Variants in WWOX observed in about 807,000 individuals in gnomAD.
WWOX encodes WW domain-containing oxidoreductase.
WWOX carries 69 observed loss-of-function variants against 46.2 expected under a neutral mutation model. That is an observed-to-expected ratio of 1.49 (90% CI 1.23 to 1.82). The LOEUF (loss-of-function observed/expected upper bound fraction) is 1.82. Among genes scored for constraint, WWOX ranks in the 40% most tolerant of loss-of-function variants. WWOX has a pLI of 0.00. For missense variants in WWOX, 919 were observed against 542.6 expected (o/e 1.69, Z -6.89); for synonymous variants, 359 against 202.6 (o/e 1.77, Z -6.56).
chr16:78,692,374 G>C (rs762288623), intron 8 of WWOX, among the ~76,000 whole-genome samples: 2 of 152,164 alleles, frequency 1.3e-5, no homozygotes, highest in South Asian at 2.1e-4. Flanking sequence ...CAAAGCTTCA[G>C]TCCTTACCAA....
intron 8 of WWOX, among the ~76,000 whole-genome samples, chr16:78,584,378 G>T (rs769978281): frequency 1.5e-4 from 23 of 152,180 alleles, no homozygotes; most frequent in Non-Finnish European, 2.9e-4. Context: ...ACCCCAAGAT[G>T]TGACTTTCCA....
chr16:78,912,598 C>A (rs185498627), intron 8 of WWOX, among the ~76,000 whole-genome samples: 27 of 152,154 alleles, frequency 1.8e-4, no homozygotes, highest in Admixed American at 1.6e-3. Context: ...TTTAGTGTGG[C>A]AGTCAGGGGA....
chr16:78,945,916 A>G (rs2045940230), intron 8 of WWOX, among the ~76,000 whole-genome samples: 1 of 151,976 alleles, frequency 6.6e-6, no homozygotes, highest in African/African-American at 2.4e-5. Context: ...TGAACATGTC[A>G]GTTCATCTCA....
At chr16:78,582,516 T>A (rs1045695826) in intron 8 of WWOX, among the ~76,000 whole-genome samples, 1 of 152,210 alleles carries the variant, frequency 6.6e-6, no homozygotes, top group Admixed American at 6.5e-5. Flanking sequence ...GTTTAAAAAT[T>A]CGGATGCATT....
intron 8 of WWOX, among the ~76,000 whole-genome samples, chr16:79,210,644 A>G (rs2051699258): frequency 6.6e-6 from 1 of 152,184 alleles, no homozygotes; most frequent in African/African-American, 2.4e-5. Context: ...GATGCCAGAT[A>G]AACTGTATTG....
At position 79,212,425 on chromosome 16, in the gene WWOX, T is replaced by G. The variant is rs560006958; in HGVS notation, c.*629T>G. ...GTCATAGACTCCTTTGCTAATGCTA[T>G]GCAAAAAATTCTTTAGAGATTATAA... On this transcript the variant is annotated 3_prime_UTR_variant, in exon 9 of 9. Coordinates refer to ENST00000566780, the MANE Select transcript of WWOX (RefSeq NM_016373.4). 1.1e-3 allele frequency: 371 copies of G among 351,990 alleles called. 1 individual carries two copies. The highest frequency in any genetic ancestry group is 3.3e-3 in the Middle Eastern group (4 of 1,204). 21.8% of individuals were successfully genotyped at this position (351,990 alleles called of 1,614,324 possible).
At chr16:78,712,432 G>T (rs866969715) in intron 8 of WWOX, among the ~76,000 whole-genome samples, 15 of 151,904 alleles carry the variant, frequency 9.9e-5, no homozygotes, top group Admixed American at 6.6e-5. Context: ...AACCCAGGAG[G>T]CGGAGGTTGC....
Position 78,350,093 on chromosome 16 carries a change from T to G in WWOX, c.517-36767T>G, listed in dbSNP as rs919547863. ...AACATTTGACCATGTCACTTAAGTT[T>G]CTTACCGTGATCTCCAACAGCTAGG... On this transcript the variant is annotated intron_variant, in intron 5 of 8. Transcript: ENST00000566780. Among the ~76,000 whole-genome samples the G allele has an allele frequency of 3.3e-5, 4 of 121,094 alleles. 1 individual carries two copies. Among genetic ancestry groups the G allele is most frequent in the East Asian group, 3.9e-4 (2 of 5,192 alleles). The allele number at this position is 121,094 out of a possible 152,430, so 79.4% of individuals were successfully genotyped here.
Position 78,896,706 on chromosome 16 carries a change from T to G in WWOX, c.1057-314902T>G, listed in dbSNP as rs146203720. The G allele has an allele frequency of 1.8e-4, 27 of 152,238 alleles. 1 individual carries two copies. The East Asian group carries it at 5.2e-3, about 29-fold the overall frequency. The allele number at this position is 152,238 out of a possible 1,614,324, so 9.4% of individuals were successfully genotyped here. ...GATTGTAGCACTCAAAAGTAAGGTC[T>G]GTTTTACTAATATAAAATTGGGCCT... On this transcript the variant is annotated intron_variant, in intron 8 of 8. Transcript: ENST00000566780.
intron 8 of WWOX, among the ~76,000 whole-genome samples, chr16:79,121,980 G>A (rs1185364855): frequency 6.6e-6 from 1 of 151,996 alleles, no homozygotes; most frequent in Non-Finnish European, 1.5e-5. Flanking sequence ...TTAATATAGC[G>A]TCAGGCTCCT....
At chr16:78,512,765 C>T (rs974222742) in intron 8 of WWOX, among the ~76,000 whole-genome samples, 2 of 152,176 alleles carry the variant, frequency 1.3e-5, no homozygotes, top group African/African-American at 2.4e-5. Context: ...GCTTGACTGG[C>T]TTGTAAATCA....
chr16:79,048,474 C>A (rs527556622), intron 8 of WWOX, among the ~76,000 whole-genome samples: 13 of 152,122 alleles, frequency 8.5e-5, no homozygotes, highest in African/African-American at 3.1e-4. Context: ...TATGAGCTCT[C>A]CTGTGCTTTG....
At chr16:78,299,495 C>G (rs1172990279) in intron 5 of WWOX, among the ~76,000 whole-genome samples, 2 of 151,750 alleles carry the variant, frequency 1.3e-5, no homozygotes, top group Non-Finnish European at 2.9e-5. Flanking sequence ...ATTTCAAATT[C>G]CATTCCATTT....
At chr16:78,310,762 C>G (rs956905824) in intron 5 of WWOX, among the ~76,000 whole-genome samples, 1 of 152,216 alleles carries the variant, frequency 6.6e-6, no homozygotes, top group Non-Finnish European at 1.5e-5. Flanking sequence ...CCTTTGCTTG[C>G]TCTCACAGCT....
At chr16:78,470,153 T>C (rs1479981511) in intron 8 of WWOX, among the ~76,000 whole-genome samples, 1 of 152,228 alleles carries the variant, frequency 6.6e-6, no homozygotes, top group East Asian at 1.9e-4. Flanking sequence ...CTGACACATG[T>C]GGCTTCCAGC....
At chr16:79,206,682 C>T (rs190009431) in intron 8 of WWOX, 2 of 151,982 alleles carry the variant, frequency 1.3e-5, no homozygotes, top group South Asian at 2.1e-4. Context: ...TCTGCTGCTT[C>T]CCATCATTTT....
intron 8 of WWOX, among the ~76,000 whole-genome samples, chr16:78,546,561 A>G (rs1170916187): frequency 1.3e-5 from 2 of 152,246 alleles, no homozygotes; most frequent in South Asian, 2.1e-4. Context: ...GTTTGTTGAA[A>G]TAATTAATTC....
At chr16:78,581,043 T>A (rs1042341090) in intron 8 of WWOX, among the ~76,000 whole-genome samples, 3 of 152,224 alleles carry the variant, frequency 2.0e-5, no homozygotes, top group African/African-American at 7.2e-5. Context: ...AAATCAGCCA[T>A]CAGCCTTATT....
intron 5 of WWOX, among the ~76,000 whole-genome samples, chr16:78,243,052 C>T (rs891737240): frequency 2.0e-5 from 3 of 151,872 alleles, no homozygotes; most frequent in African/African-American, 4.8e-5. Flanking sequence ...CTTCCCTTCC[C>T]TCTCCCCATC....
Sources: gnomAD v4.1 joint callset for allele counts (sites outside exome capture counted in the v4.1 genomes callset) on GRCh38, gnomAD v4.1.1 for gene constraint, MANE v1.5 for transcripts, NCBI Gene and HGNC (gene_info 2026-07-23, HGNC 2026-07-21) for gene names.